The following DHX38 variants were observed in gnomAD, a reference collection of about 807,000 sequenced individuals.
DHX38 encodes the protein pre-mRNA-splicing factor ATP-dependent RNA helicase PRP16.
In DHX38, 100 loss-of-function variants were observed where a neutral mutation model predicts 153.1. That is an observed-to-expected ratio of 0.65 (90% CI 0.56 to 0.77). The LOEUF (loss-of-function observed/expected upper bound fraction) is 0.77, where lower values mean the gene tolerates loss of function less well. Among genes scored for constraint, DHX38 ranks in the 30% least tolerant of loss-of-function variants. DHX38 has a pLI of 0.00. For missense variants in DHX38, 1,440 were observed against 1,654.0 expected, an observed-to-expected ratio of 0.87 and a Z score of 2.24; for synonymous variants, 650 against 631.7, an observed-to-expected ratio of 1.03 and a Z score of -0.43.
chr16:72,096,749 G>A (rs1389927498), intron 2 of DHX38, 73 bp from the exon 3 acceptor site: 7 of 1,528,426 alleles, frequency 4.6e-6, no homozygotes, highest in Non-Finnish European at 6.1e-6. Context: ...TCACTTGTTT[G>A]GACAGCCAAA....
rs1044343100 is a variant in DHX38 at position 72,112,757 on chromosome 16, G to A, written c.*260G>A. 4 of 703,108 alleles carry A rather than the reference G, an allele frequency of 5.7e-6. No homozygotes were observed. Among genetic ancestry groups the A allele is most frequent in the East Asian group, 2.7e-5 (1 of 37,268 alleles). 43.6% of individuals were successfully genotyped at this position (703,108 alleles called of 1,614,324 possible). On this transcript the variant is annotated 3_prime_UTR_variant, in exon 27 of 27. Coordinates refer to ENST00000268482, the MANE Select transcript of DHX38 (RefSeq NM_014003.4). ...GCAGCGGGAGGTGGCTGGACCCATCGCATCTAAAACTGGCCCAGGACACTT... is the reference window on the plus strand; with the variant it reads ...GCAGCGGGAGGTGGCTGGACCCATCACATCTAAAACTGGCCCAGGACACTT...
rs1289721692 is a variant in DHX38, at chr16:72,103,104, G to C, written c.1530G>C (p.Lys510Asn). 7.4e-6 allele frequency: 12 copies of C among 1,614,116 alleles called. No homozygotes were observed. Among genetic ancestry groups the C allele is most frequent in the Non-Finnish European group, 1.0e-5 (12 of 1,180,044 alleles). Residue 510 changes from lysine (K) to asparagine (N), a missense_variant, in exon 12 of 27, where the codon AAG (lysine) becomes AAC (asparagine). Transcript: ENST00000268482. ...AGCAGAAGTTTGCAGATCACATGAA[G>C]AGAAAGAGCGAAGCCAGCAGTGAAT... ...RTEQKFADHM[K>N]RKSEASSEFA...
rs1365784811 is a variant in DHX38 at position 72,097,721 on chromosome 16, G to A, written c.556G>A (p.Gly186Arg). The change falls in exon 4 of 27, where the codon GGA becomes AGA. Residue 186 changes from glycine to arginine, a missense_variant. Gly to Arg is a moderately radical substitution (Grantham distance 125). Transcript: ENST00000268482. ...GCACAGCAGCAGATCAGAGCGAGAT[G>A]GAGGGTCAGAGCGTAGCAGCAGAAG... ...SRHSSRSERDGGSERSSRRNE... is the reference protein window; with the variant it reads ...SRHSSRSERDRGSERSSRRNE... 2.5e-6 allele frequency: 4 copies of A among 1,614,162 alleles called. No homozygotes were observed. The highest frequency in any genetic ancestry group is 1.1e-5 in the South Asian group (1 of 91,082).
intron 7 of DHX38, 62 bp downstream of exon 7, chr16:72,099,342 C>A: frequency 7.0e-7 from 1 of 1,427,620 alleles, no homozygotes; most frequent in Non-Finnish European, 9.5e-7. Flanking sequence ...ATGGGTGACC[C>A]TCTAGCAGGA....
rs148457519 is a variant in DHX38, at chr16:72,102,427, G to A, written c.1500-647G>A. On this transcript the variant is annotated intron_variant, in intron 11 of 26. Transcript: ENST00000268482. ...GGGGTTGGGGAGGGGTGTGTGGACT[G>A]TGTGGAGCACTGAACTGGTGTCTTT... Among the ~76,000 whole-genome samples, 266 of 152,250 alleles carry A rather than the reference G, an allele frequency of 1.7e-3. 3 individuals are homozygous for A. In the South Asian group the frequency reaches 0.023, roughly 13 times the overall value.
In DHX38 at chr16:72,104,700, T is replaced by C; in HGVS notation, c.2151+74T>C. 2 of 1,593,180 alleles carry C rather than the reference T, an allele frequency of 1.3e-6. No homozygotes were observed. The highest frequency in any genetic ancestry group is 2.2e-5 in the South Asian group (2 of 89,582). ...CTCTGATGCGAAGCCGGCTGGAGGG[T>C]GGAGGGTGGGTAGGGGACTGGGTTG... On this transcript the variant is annotated intron_variant, in intron 15 of 26. Transcript: ENST00000268482. This position sits in a 1 kb window ranked among gnomAD's most constrained non-coding sequence, Gnocchi z 4.5.
rs1323547018 is a variant in DHX38, at chr16:72,097,023, C to T, written c.511+14C>T. ...AGAGGGACAGAGGTAAACTGTCCAG[C>T]ACAGTTCCTATTGTCCATTAGCATT... On this transcript the variant is annotated intron_variant, in intron 3 of 26. Transcript: ENST00000268482. The T allele has an allele frequency of 1.2e-6, 2 of 1,604,078 alleles. No individual in the cohort carries two copies. The highest frequency in any genetic ancestry group is 2.2e-5 in the East Asian group (1 of 44,688).
chr16:72,108,403 G>A (rs2042211679), intron 22 of DHX38, 21 bp downstream of exon 22: 1 of 1,613,982 alleles, frequency 6.2e-7, no homozygotes, highest in South Asian at 1.1e-5. Context: ...GGATGAGCAG[G>A]ATGTTGGGAT....
chr16:72,098,842 G>A (rs1179859917), intron 5 of DHX38, 50 bp downstream of exon 5: 3 of 1,613,262 alleles, frequency 1.9e-6, no homozygotes, highest in African/African-American at 1.3e-5. Context: ...GCGGTAAGGA[G>A]CCTCGGCAGG....
At chr16:72,096,724 G>C (rs1006577582) in intron 2 of DHX38, 98 bp from the exon 3 acceptor site, 1 of 1,504,014 alleles carries the variant, frequency 6.6e-7, no homozygotes, top group Non-Finnish European at 8.9e-7. Flanking sequence ...GGGAGAGAAA[G>C]TGGAAAAGGA....
chr16:72,103,360 C>T lies in DHX38; in HGVS notation c.1637+149C>T, dbSNP rs1202902670. 6.0e-6 allele frequency: 7 copies of T among 1,169,970 alleles called. No homozygotes were observed. The Admixed American group carries it at 1.1e-4, about 19-fold the overall frequency. 72.5% of individuals were successfully genotyped at this position (1,169,970 alleles called of 1,614,324 possible). On this transcript the variant is annotated intron_variant, in intron 12 of 26. Transcript: ENST00000268482. ...CCTCTGACCTCATGCCTGGGGTACA[C>T]TGCACAAAGTAACGGGATGGCACCA...
intron 7 of DHX38, 75 bp from the exon 8 acceptor site, chr16:72,099,657 C>G: frequency 6.3e-7 from 1 of 1,577,866 alleles, no homozygotes; most frequent in South Asian, 1.2e-5. Context: ...CCAAGCGTCC[C>G]TTCTTCTGTT....
rs752261317 is a variant in DHX38, at chr16:72,096,412, C to G, written c.255C>G (p.Ser85Arg). 1 of 1,613,992 alleles carries G rather than the reference C, an allele frequency of 6.2e-7. No homozygotes were observed. Among genetic ancestry groups the G allele is most frequent in the East Asian group, 2.2e-5 (1 of 44,866 alleles). ...KVSSYKDWEE[S>R]KDDQKDAEEE... ...CCTCCTACAAGGACTGGGAAGAGAG[C>G]AAGGATGACCAGAAGGATGCTGAGG... The change falls in exon 2 of 27, where the codon AGC becomes AGG. Residue 85 changes from serine (S) to arginine (R), a missense_variant. Transcript: ENST00000268482.
At chr16:72,096,006 G>T in intron 1 of DHX38, 133 bp from the exon 2 acceptor site, 1 of 903,338 alleles carries the variant, frequency 1.1e-6, no homozygotes, top group Non-Finnish European at 1.6e-6. Context: ...TTGGAGAGAG[G>T]GAGCAAAAGT....
At position 72,096,360 on chromosome 16, in the gene DHX38, G is replaced by A. The variant is rs2042018268; in HGVS notation, c.203G>A (p.Gly68Glu). The change falls in exon 2 of 27, where the codon GGG (glycine) becomes GAG (glutamate). Residue 68 changes from glycine to glutamate, a missense_variant. Transcript: ENST00000268482. Reference sequence around the variant, plus strand: ...AGAGAGCGAGAGGAGAAGGACGATGGGGAGGACAAGAAGAAGTCCAAAGTC... The same window carrying A: ...AGAGAGCGAGAGGAGAAGGACGATGAGGAGGACAAGAAGAAGTCCAAAGTC... The part of the protein sequence containing the change: ...KRREREEKDD[G>E]EDKKKSKVSS... 6.2e-7 allele frequency: 1 copy of A among 1,614,176 alleles called. No homozygotes were observed. Among genetic ancestry groups the A allele is most frequent in the Non-Finnish European group, 8.5e-7 (1 of 1,180,008 alleles).
intron 12 of DHX38, 57 bp from the exon 13 acceptor site, chr16:72,103,545 G>A: frequency 6.4e-7 from 1 of 1,564,126 alleles, no homozygotes; most frequent in Non-Finnish European, 8.7e-7. Flanking sequence ...CTTCTTGGAG[G>A]CTGGGTGTTG....
Position 72,099,764 on chromosome 16 carries a change from G to C in DHX38, c.993G>C (p.Glu331Asp). Residue 331 changes from glutamate (E) to aspartate (D), a missense_variant, in exon 8 of 27, where the codon GAG (glutamate) becomes GAC (aspartate). Transcript: ENST00000268482. ...QADRDWYMMDEGYDEFHNPLA... is the reference protein window; with the variant it reads ...QADRDWYMMDDGYDEFHNPLA... ...ATCGGGATTGGTACATGATGGACGA[G>C]GGCTATGACGAGTTCCACAACCCGC... 1 of 1,614,168 alleles carries C rather than the reference G, an allele frequency of 6.2e-7. No individual in the cohort carries two copies. Among genetic ancestry groups the C allele is most frequent in the African/African-American group, 1.3e-5 (1 of 75,040 alleles).
rs554119138 is a variant in DHX38 at position 72,101,257 on chromosome 16, T to G, written c.1386+64T>G. 8 of 1,558,066 alleles carry G rather than the reference T, an allele frequency of 5.1e-6. No individual in the cohort carries two copies. The Admixed American group carries it at 1.4e-4, about 27-fold the overall frequency. Reference sequence around the variant, plus strand: ...ATTTTTTTCTTTTTTCTTCTCTTCATAAGTCTTACTAGGCCCACAGATAGA... The same window carrying G: ...ATTTTTTTCTTTTTTCTTCTCTTCAGAAGTCTTACTAGGCCCACAGATAGA... On this transcript the variant is annotated intron_variant, in intron 10 of 26. Transcript: ENST00000268482.
rs535363179 is a variant in DHX38 at position 72,099,792 on chromosome 16, G to C, written c.1021G>C (p.Ala341Pro). 5 of 1,614,186 alleles carry C rather than the reference G, an allele frequency of 3.1e-6. No individual in the cohort carries two copies. The Admixed American group carries it at 8.3e-5, about 27-fold the overall frequency. ...CTATGACGAGTTCCACAACCCGCTG[G>C]CCTACTCCTCCGAGGACTACGTGAG... Reference protein sequence around the residue: ...EGYDEFHNPLAYSSEDYVRRR... With the variant: ...EGYDEFHNPLPYSSEDYVRRR... The change falls in exon 8 of 27, where the codon GCC (alanine) becomes CCC (proline). Residue 341 changes from alanine (A) to proline (P), a missense_variant. By Grantham distance (27) the Ala-to-Pro change is conservative. This residue lies in a region of DHX38 where 483 missense variants were observed against 465.1 expected (regional missense o/e 1.04). Transcript: ENST00000268482.
Sources: gnomAD v4.1 joint callset for allele counts (sites outside exome capture counted in the v4.1 genomes callset) on GRCh38, gnomAD v4.1.1 for gene constraint, gnomAD v4.1.1 regional missense constraint, Gnocchi (gnomAD v3.1) non-coding constraint, MANE v1.5 for transcripts, NCBI Gene and HGNC (gene_info 2026-07-23, HGNC 2026-07-21) for gene names.